Variants in HS6ST3 observed in about 807,000 individuals in gnomAD.
The protein encoded by HS6ST3 is heparan sulfate 6-O-sulfotransferase 3, also known as heparan-sulfate 6-O-sulfotransferase 3.
HS6ST3 carries 12 observed loss-of-function variants against 36.7 expected under a neutral mutation model. That is an observed-to-expected ratio of 0.33 (90% CI 0.21 to 0.53). The LOEUF (loss-of-function observed/expected upper bound fraction) is 0.53, where lower values mean the gene tolerates loss of function less well. Among genes scored for constraint, HS6ST3 ranks in the 20% least tolerant of loss-of-function variants. The pLI is 0.95. For synonymous variants in HS6ST3, 240 were observed against 257.5 expected, an observed-to-expected ratio of 0.93 and a Z score of 0.65; for missense variants, 584 against 640.9, an observed-to-expected ratio of 0.91 and a Z score of 0.96.
At chr13:96,595,599 G>C (rs1217517092) in intron 1 of HS6ST3, among the ~76,000 whole-genome samples, 11 of 151,810 alleles carry the variant, frequency 7.2e-5, no homozygotes. Flanking sequence ...AAAGTCTTCT[G>C]CTACTAGTTT....
chr13:96,802,274 T>C (rs1878096053), intron 1 of HS6ST3, among the ~76,000 whole-genome samples: 1 of 152,124 alleles, frequency 6.6e-6, no homozygotes, highest in Admixed American at 6.5e-5. Flanking sequence ...AAATCAGGGC[T>C]GGGTCAGAAT....
At position 96,390,570 on chromosome 13, in the gene HS6ST3, A is replaced by G. The variant is rs538132393; in HGVS notation, c.707+299001A>G. ...AGTTGTTCATAAGCTATGCATTTTT[A>G]TGGTATTTTGTTATAACAGCCAGAG... On this transcript the variant is annotated intron_variant, in intron 1 of 1. Coordinates refer to ENST00000376705, the MANE Select transcript of HS6ST3 (RefSeq NM_153456.4). Among the ~76,000 whole-genome samples, 9 of 152,320 alleles carry G rather than the reference A, an allele frequency of 5.9e-5. No homozygotes were observed. The East Asian group carries it at 1.7e-3, about 29-fold the overall frequency.
At chr13:96,457,231 T>C (rs1455696628) in intron 1 of HS6ST3, among the ~76,000 whole-genome samples, 1 of 152,108 alleles carries the variant, frequency 6.6e-6, no homozygotes. Context: ...AGATTGACAT[T>C]TACCTTTAAA....
intron 1 of HS6ST3, among the ~76,000 whole-genome samples, chr13:96,700,031 C>T (rs931772624): frequency 1.3e-5 from 2 of 152,096 alleles, no homozygotes; most frequent in African/African-American, 2.4e-5. Flanking sequence ...TTCCTGAATC[C>T]TAATGAATTT....
rs1302382424 is a variant in HS6ST3 at position 96,090,660 on chromosome 13, C to T, written c.-203C>T. Among the ~76,000 whole-genome samples the T allele has an allele frequency of 1.4e-5, 2 of 146,880 alleles. No individual in the cohort carries two copies. The highest frequency in any genetic ancestry group is 2.0e-4 in the East Asian group (1 of 4,964). On this transcript the variant is annotated 5_prime_UTR_variant, in exon 1 of 2. Coordinates refer to ENST00000376705, the MANE Select transcript of HS6ST3 (RefSeq NM_153456.4). ...CAGCCGAGCGCGCCGGCGCCCGCCT[C>T]CCCCGCCCGGCTCGCAGGCCCCGGC...
chr13:96,339,433 C>A (rs761294990), intron 1 of HS6ST3, among the ~76,000 whole-genome samples: 9 of 152,128 alleles, frequency 5.9e-5, no homozygotes, highest in Non-Finnish European at 1.2e-4. Context: ...TCTCATGAAG[C>A]TTTTCCACCT....
At chr13:96,472,604 T>C (rs2055844940) in intron 1 of HS6ST3, among the ~76,000 whole-genome samples, 1 of 152,208 alleles carries the variant, frequency 6.6e-6, no homozygotes, top group Admixed American at 6.5e-5. Context: ...TTGTGCTCTG[T>C]CATTGCTTCG....
At chr13:96,634,713 A>C (rs1410352314) in intron 1 of HS6ST3, among the ~76,000 whole-genome samples, 1 of 152,126 alleles carries the variant, frequency 6.6e-6, no homozygotes, top group Non-Finnish European at 1.5e-5. Context: ...TCTGTCTCAC[A>C]TGTATGTCTC....
intron 1 of HS6ST3, among the ~76,000 whole-genome samples, chr13:96,460,746 A>G (rs2055780109): frequency 6.6e-6 from 1 of 152,238 alleles, no homozygotes; most frequent in Admixed American, 6.5e-5. Flanking sequence ...ATGACTCTAA[A>G]TTCTATTTGT....
intron 1 of HS6ST3, among the ~76,000 whole-genome samples, chr13:96,278,873 T>C (rs1180466274): frequency 2.6e-5 from 4 of 152,166 alleles, no homozygotes; most frequent in African/African-American, 9.6e-5. Context: ...CAATATCTTT[T>C]AAGAACAAAT....
chr13:96,523,714 C>T (rs1375322733), intron 1 of HS6ST3, among the ~76,000 whole-genome samples: 1 of 151,898 alleles, frequency 6.6e-6, no homozygotes, highest in Non-Finnish European at 1.5e-5. Context: ...TTTTCAGCTC[C>T]TTCAGGTCTT....
At chr13:96,535,680 AATATAATG>A (rs1250489647) in intron 1 of HS6ST3, among the ~76,000 whole-genome samples, 1 of 152,124 alleles carries the variant, frequency 6.6e-6, no homozygotes, top group Non-Finnish European at 1.5e-5. Flanking sequence ...GTGAATAATT[AATATAATG>A]GGGGATGAGA....
intron 1 of HS6ST3, among the ~76,000 whole-genome samples, chr13:96,200,132 G>A (rs2054334006): frequency 6.6e-6 from 1 of 152,132 alleles, no homozygotes; most frequent in Non-Finnish European, 1.5e-5. Flanking sequence ...ATTCAGCTGT[G>A]TGCCCCAATA....
intron 1 of HS6ST3, among the ~76,000 whole-genome samples, chr13:96,555,917 C>G (rs950025901): frequency 1.1e-4 from 17 of 152,086 alleles, no homozygotes; most frequent in Non-Finnish European, 2.2e-4. Flanking sequence ...ACAGTAAATG[C>G]TAGACAGAGA....
chr13:96,119,333 A>G (rs1009327819), intron 1 of HS6ST3, among the ~76,000 whole-genome samples: 3 of 152,162 alleles, frequency 2.0e-5, no homozygotes, highest in African/African-American at 7.2e-5. Context: ...TTTAAATTGG[A>G]AAAAACAGAG....
chr13:96,369,315 G>C (rs969778596), intron 1 of HS6ST3, among the ~76,000 whole-genome samples: 2 of 152,050 alleles, frequency 1.3e-5, no homozygotes, highest in African/African-American at 4.8e-5. Context: ...AGGACAGTGT[G>C]CAGACAGATA....
intron 1 of HS6ST3, among the ~76,000 whole-genome samples, chr13:96,448,822 C>T (rs1287433704): frequency 3.9e-5 from 6 of 152,144 alleles, no homozygotes; most frequent in Admixed American, 2.0e-4. Context: ...CATTAGACCA[C>T]GACAGTATTT....
At chr13:96,617,434 T>A (rs977379508) in intron 1 of HS6ST3, among the ~76,000 whole-genome samples, 2 of 152,238 alleles carry the variant, frequency 1.3e-5, no homozygotes, top group African/African-American at 2.4e-5. Flanking sequence ...CTAGTTCAAA[T>A]ATATTTCTTC....
At chr13:96,323,047 C>G (rs1243990570) in intron 1 of HS6ST3, among the ~76,000 whole-genome samples, 1 of 152,212 alleles carries the variant, frequency 6.6e-6, no homozygotes, top group East Asian at 1.9e-4. Flanking sequence ...TCACAAGATT[C>G]AGTCCTTGGA....
Sources: allele counts gnomAD v4.1 joint callset (sites outside exome capture counted in the v4.1 genomes callset), GRCh38; gene constraint gnomAD v4.1.1; transcripts MANE v1.5; gene names NCBI Gene and HGNC (gene_info 2026-07-23, HGNC 2026-07-21).